The following ACTR3C variants were observed in gnomAD, a reference collection of about 807,000 sequenced individuals.
The protein encoded by ACTR3C is actin-related protein 3C.
A neutral mutation model predicts 26.3 loss-of-function variants in ACTR3C; 18 were observed. That is an observed-to-expected ratio of 0.68 (90% CI 0.47 to 1.01). ACTR3C has a LOEUF of 1.01. Among genes scored for constraint, ACTR3C ranks in the 50% least tolerant of loss-of-function variants. The pLI is 0.00. For synonymous variants in ACTR3C, 55 were observed against 94.5 expected (o/e 0.58, Z 2.42); for missense variants, 184 against 250.7 (o/e 0.73, Z 1.80).
At chr7:150,053,642 C>T in the ACTR3C span, among the ~76,000 whole-genome samples, 332 of 152,312 alleles carry the variant, frequency 2.2e-3, 5 homozygotes, top group Admixed American at 0.018. Context: ...AAAGCAACAG[C>T]GAAACCAAAA....
At chr7:150,091,704 C>T in the ACTR3C span, among the ~76,000 whole-genome samples, 7 of 142,104 alleles carry the variant, frequency 4.9e-5, no homozygotes, top group East Asian at 4.3e-4. Context: ...TATTCCTGGC[C>T]GGGCGCGGTG....
At chr7:150,301,177 G>C (rs13310066) in intron 1 of ACTR3C, among the ~76,000 whole-genome samples, 1 of 152,180 alleles carries the variant, frequency 6.6e-6, no homozygotes, top group African/African-American at 2.4e-5. Flanking sequence ...ACCTATGTTT[G>C]TCATCTTGAA....
intron 6 of ACTR3C, among the ~76,000 whole-genome samples, chr7:150,282,805 G>A (rs1313332462): frequency 2.1e-5 from 3 of 141,102 alleles, no homozygotes; most frequent in Non-Finnish European, 4.5e-5. Context: ...GAGCCCGAGA[G>A]GTCGAGGCTG....
chr7:150,190,585 C>T, the ACTR3C span, among the ~76,000 whole-genome samples: 1 of 152,164 alleles, frequency 6.6e-6, no homozygotes, highest in East Asian at 1.9e-4. Context: ...CTTCCCAGCA[C>T]CATTTGTTGG....
the ACTR3C span, among the ~76,000 whole-genome samples, chr7:149,954,389 G>A: frequency 6.6e-6 from 1 of 152,204 alleles, no homozygotes; most frequent in East Asian, 1.9e-4. Flanking sequence ...AGAATCCCCT[G>A]CCCCCAACCT....
At chr7:150,261,100 A>G (rs1355888494) in intron 6 of ACTR3C, among the ~76,000 whole-genome samples, 2 of 152,234 alleles carry the variant, frequency 1.3e-5, no homozygotes, top group Non-Finnish European at 2.9e-5. Flanking sequence ...GGTGGATATA[A>G]TAACAATTAT....
the ACTR3C span, among the ~76,000 whole-genome samples, chr7:150,037,107 G>C: frequency 3.4e-4 from 31 of 91,660 alleles, no homozygotes; most frequent in African/African-American, 1.1e-3. Flanking sequence ...CTAAGAGCCA[G>C]GGGGGGAAGA....
chr7:149,976,577 A>AG, the ACTR3C span, among the ~76,000 whole-genome samples: 1 of 141,240 alleles, frequency 7.1e-6, no homozygotes, highest in African/African-American at 3.0e-5. Context: ...CTGTCTCAGA[A>AG]AAAAAAAAAA....
the ACTR3C span, among the ~76,000 whole-genome samples, chr7:150,043,480 G>T: frequency 7.2e-5 from 11 of 152,220 alleles, no homozygotes; most frequent in African/African-American, 2.7e-4. Context: ...TGCTGCCAAG[G>T]CCCTCAAACA....
chr7:149,960,155 A>G, the ACTR3C span, among the ~76,000 whole-genome samples: 2 of 152,088 alleles, frequency 1.3e-5, no homozygotes, highest in Non-Finnish European at 2.9e-5. Context: ...TTAACCTTTT[A>G]GTGTTCTTTA....
chr7:150,284,237 C>T (rs1345609072), intron 6 of ACTR3C, among the ~76,000 whole-genome samples: 1 of 152,108 alleles, frequency 6.6e-6, no homozygotes, highest in African/African-American at 2.4e-5. Flanking sequence ...AATATATTTA[C>T]AATACTGAAA....
At chr7:149,904,743 T>C in the ACTR3C span, among the ~76,000 whole-genome samples, 1 of 150,404 alleles carries the variant, frequency 6.6e-6, no homozygotes, top group African/African-American at 2.4e-5. Context: ...CACCTGTAAT[T>C]CCAGCACTTT....
At chr7:150,173,668 C>A in the ACTR3C span, among the ~76,000 whole-genome samples, 1 of 130,724 alleles carries the variant, frequency 7.6e-6, no homozygotes, top group African/African-American at 3.6e-5. Context: ...ATAGGTGTTT[C>A]TTTTCTATCA....
the ACTR3C span, among the ~76,000 whole-genome samples, chr7:149,963,098 A>T: frequency 6.6e-6 from 1 of 152,140 alleles, no homozygotes; most frequent in Non-Finnish European, 1.5e-5. Context: ...TGAGAGACTC[A>T]CTCGGTCCTG....
chr7:150,308,218 G>A (rs539405373), intron 1 of ACTR3C, among the ~76,000 whole-genome samples: 1 of 151,776 alleles, frequency 6.6e-6, no homozygotes, highest in African/African-American at 2.4e-5. Flanking sequence ...CTCTTTTCTT[G>A]GAACTTACCT....
chr7:149,956,815 C>G, the ACTR3C span, among the ~76,000 whole-genome samples: 1 of 152,160 alleles, frequency 6.6e-6, no homozygotes, highest in African/African-American at 2.4e-5. Context: ...GATATCACGA[C>G]CAGTGAGCAG....
At chr7:149,942,171 G>A in the ACTR3C span, among the ~76,000 whole-genome samples, 2 of 152,140 alleles carry the variant, frequency 1.3e-5, no homozygotes, top group Non-Finnish European at 2.9e-5. Flanking sequence ...TGCAGTATGA[G>A]TAAAGTTCTT....
At chr7:150,055,198 G>A in the ACTR3C span, among the ~76,000 whole-genome samples, 3 of 152,238 alleles carry the variant, frequency 2.0e-5, no homozygotes, top group South Asian at 2.1e-4. Context: ...ATGCAGATTC[G>A]TGGGCCCTGT....
At chr7:150,091,860 C>T in the ACTR3C span, among the ~76,000 whole-genome samples, 3 of 149,998 alleles carry the variant, frequency 2.0e-5, no homozygotes, top group Non-Finnish European at 4.5e-5. Context: ...TGGTGGCGGG[C>T]GCCTGTAGTC....
Sources: allele counts gnomAD v4.1 joint callset (sites outside exome capture counted in the v4.1 genomes callset), GRCh38; gene constraint gnomAD v4.1.1; transcripts MANE v1.5; gene names NCBI Gene and HGNC (gene_info 2026-07-23, HGNC 2026-07-21).